CNTN6: variants seen among roughly 807,000 people sequenced by gnomAD.
The protein encoded by CNTN6 is contactin 6.
In CNTN6, 137 loss-of-function variants were observed where a neutral mutation model predicts 122.8. The ratio of observed to expected loss-of-function variants is 1.12; its 90% CI spans 0.97 to 1.29. CNTN6 has a LOEUF of 1.29. Among genes scored for constraint, CNTN6 ranks in the 50% most tolerant of loss-of-function variants. CNTN6 has a pLI of 0.00. For synonymous variants in CNTN6, 570 were observed against 426.0 expected (o/e 1.34, Z -4.16); for missense variants, 1,634 against 1,223.4 (o/e 1.34, Z -5.01).
At chr3:1,372,261 T>G in intron 12 of CNTN6, 38 bp from the exon 13 acceptor site, 4 of 1,506,410 alleles carry the variant, frequency 2.7e-6, no homozygotes, top group Non-Finnish European at 3.6e-6. Context: ...TAGGCTAGCA[T>G]TTCATAAGCT....
intron 5 of CNTN6, among the ~76,000 whole-genome samples, chr3:1,295,112 A>G (rs974451916): frequency 3.9e-5 from 6 of 152,136 alleles, no homozygotes; most frequent in Non-Finnish European, 8.8e-5. Flanking sequence ...GAAATTATGT[A>G]ATGATCAAAT....
chr3:1,386,788 C>G (rs534679175), intron 20 of CNTN6, among the ~76,000 whole-genome samples: 6 of 151,934 alleles, frequency 3.9e-5, no homozygotes, highest in African/African-American at 1.4e-4. Context: ...GTGCCACTTA[C>G]AAAAATCTAG....
At chr3:1,360,361 C>A (rs537773859) in intron 12 of CNTN6, among the ~76,000 whole-genome samples, 15 of 152,042 alleles carry the variant, frequency 9.9e-5, no homozygotes, top group Admixed American at 3.3e-4. Context: ...TCAACTATTA[C>A]ACTGGGCATT....
intron 4 of CNTN6, among the ~76,000 whole-genome samples, chr3:1,257,839 G>A (rs1380996518): frequency 6.6e-6 from 1 of 152,136 alleles, no homozygotes; most frequent in Non-Finnish European, 1.5e-5. Context: ...TTTTAAAATG[G>A]CAGCACTGCC....
chr3:1,303,712 T>C (rs575196592), intron 7 of CNTN6, among the ~76,000 whole-genome samples: 66 of 152,280 alleles, frequency 4.3e-4, no homozygotes, highest in African/African-American at 1.5e-3. Flanking sequence ...TGTTTGGATA[T>C]CTAGTAATTT....
chr3:1,368,847 G>C (rs1006769033), intron 12 of CNTN6, among the ~76,000 whole-genome samples: 5 of 152,010 alleles, frequency 3.3e-5, no homozygotes, highest in African/African-American at 1.2e-4. Context: ...GAAAAGCTTT[G>C]TATTTAATAC....
intron 2 of CNTN6, among the ~76,000 whole-genome samples, chr3:1,175,750 C>G (rs1174026588): frequency 1.3e-5 from 2 of 152,162 alleles, no homozygotes; most frequent in Admixed American, 1.3e-4. Flanking sequence ...AATTAAAAGG[C>G]AGTCATAGAA....
chr3:1,157,177 A>C (rs1285072405), intron 2 of CNTN6, among the ~76,000 whole-genome samples: 4 of 146,592 alleles, frequency 2.7e-5, no homozygotes, highest in African/African-American at 1.0e-4. Context: ...TGTCACAAAC[A>C]ATCTAATTAT....
intron 16 of CNTN6, among the ~76,000 whole-genome samples, chr3:1,374,424 T>C (rs140024550): frequency 2.6e-5 from 4 of 152,234 alleles, no homozygotes; most frequent in African/African-American, 7.2e-5. Context: ...TAGCCAGGAA[T>C]TAACTGAGAC....
Position 1,327,471 on chromosome 3 carries a change from A to G in CNTN6, c.1098A>G (p.Ile366Met), listed in dbSNP as rs1701696338. ...TCCTTTATTAGGAGAGAATTCAAAT[A>G]GAAAATGGGACACTCATCATAACGA... The part of the protein sequence containing the change: ...ERLNPEERIQ[I>M]ENGTLIITML... The change falls in exon 10 of 23, where the codon ATA (isoleucine) becomes ATG (methionine). Residue 366 changes from isoleucine to methionine, a missense_variant. Physicochemically the swap from Ile to Met is conservative, Grantham distance 10. Coordinates refer to ENST00000446702, the MANE Select transcript of CNTN6 (RefSeq NM_001289080.2). 2 of 1,610,258 alleles carry G rather than the reference A, an allele frequency of 1.2e-6. No individual in the cohort carries two copies. The highest frequency in any genetic ancestry group is 1.7e-6 in the Non-Finnish European group (2 of 1,177,792).
chr3:1,300,507 G>A (rs941747121), intron 7 of CNTN6, among the ~76,000 whole-genome samples: 4 of 134,300 alleles, frequency 3.0e-5, no homozygotes, highest in African/African-American at 1.2e-4. Context: ...AGAAAAGAAA[G>A]AGAAAGAAAG....
chr3:1,121,224 TC>T lies in CNTN6; in HGVS notation c.-82-26702del, dbSNP rs1465960946. ...TGAGAGGTATGTAGTACTGAGCTAC[TC>T]TATTGGAACACAGAGTTAAACAAAT... On this transcript the variant is annotated intron_variant, in intron 1 of 22. Coordinates refer to ENST00000446702, the MANE Select transcript of CNTN6 (RefSeq NM_001289080.2). Among the ~76,000 whole-genome samples the T allele has an allele frequency of 3.9e-5, 6 of 152,036 alleles. No individual in the cohort carries two copies. In the East Asian group the frequency reaches 9.6e-4, roughly 24 times the overall value.
intron 2 of CNTN6, among the ~76,000 whole-genome samples, chr3:1,150,297 T>A (rs2125182646): frequency 6.6e-6 from 1 of 152,344 alleles, no homozygotes; most frequent in East Asian, 1.9e-4. Flanking sequence ...AAACATACTT[T>A]TTATTCATTC....
chr3:1,180,108 C>G (rs1256967799), intron 2 of CNTN6, among the ~76,000 whole-genome samples: 1 of 152,014 alleles, frequency 6.6e-6, no homozygotes, highest in African/African-American at 2.4e-5. Flanking sequence ...TTTATTCCAG[C>G]TTTGTTCATC....
chr3:1,276,160 C>G (rs1412774395), intron 4 of CNTN6, among the ~76,000 whole-genome samples: 1 of 152,174 alleles, frequency 6.6e-6, no homozygotes, highest in Non-Finnish European at 1.5e-5. Flanking sequence ...TTTCACATCT[C>G]CCATCCATTC....
At chr3:1,384,862 C>T (rs1575999614) in intron 19 of CNTN6, among the ~76,000 whole-genome samples, 2 of 148,340 alleles carry the variant, frequency 1.3e-5, no homozygotes, top group Non-Finnish European at 1.5e-5. Flanking sequence ...ACAGAAAGTT[C>T]TACTCTCAGG....
At chr3:1,184,490 T>C (rs1575153525) in intron 2 of CNTN6, among the ~76,000 whole-genome samples, 1 of 152,306 alleles carries the variant, frequency 6.6e-6, no homozygotes, top group Admixed American at 6.5e-5. Context: ...GAGATTAGTA[T>C]GTATCATAAA....
At chr3:1,347,703 G>T (rs550150547) in intron 11 of CNTN6, among the ~76,000 whole-genome samples, 3 of 152,160 alleles carry the variant, frequency 2.0e-5, no homozygotes, top group African/African-American at 7.2e-5. Context: ...CTAAGAATAA[G>T]AATTAGATTA....
intron 2 of CNTN6, among the ~76,000 whole-genome samples, chr3:1,162,024 C>T (rs2093146725): frequency 6.6e-6 from 1 of 152,022 alleles, no homozygotes; most frequent in African/African-American, 2.4e-5. Flanking sequence ...TAATAGTTTA[C>T]CAGAAAACAG....
Sources: gnomAD v4.1 joint callset for allele counts (sites outside exome capture counted in the v4.1 genomes callset) on GRCh38, gnomAD v4.1.1 for gene constraint, MANE v1.5 for transcripts, NCBI Gene and HGNC (gene_info 2026-07-23, HGNC 2026-07-21) for gene names.